Variants in LRRC72 observed in about 807,000 individuals in gnomAD.
The protein encoded by LRRC72 is leucine rich repeat containing 72, also known as leucine-rich repeat-containing protein 72.
LRRC72 carries 41 observed loss-of-function variants against 35.8 expected under a neutral mutation model. That is an observed-to-expected ratio of 1.15 (90% CI 0.89 to 1.49). LRRC72 has a LOEUF of 1.49. LRRC72 is among the 40% of genes most tolerant of loss of function. The pLI is 0.00. For synonymous variants in LRRC72, 118 were observed against 119.2 expected, an observed-to-expected ratio of 0.99 and a Z score of 0.07; for missense variants, 389 against 330.7, an observed-to-expected ratio of 1.18 and a Z score of -1.37.
chr7:16,567,095 G>A (rs1782858400), intron 6 of LRRC72, among the ~76,000 whole-genome samples: 1 of 152,120 alleles, frequency 6.6e-6, no homozygotes, highest in East Asian at 1.9e-4. Flanking sequence ...TAGCCTTGAG[G>A]AAATGAAAGG....
At chr7:16,563,879 A>G (rs1177021525) in intron 5 of LRRC72, among the ~76,000 whole-genome samples, 2 of 152,198 alleles carry the variant, frequency 1.3e-5, no homozygotes, top group African/African-American at 4.8e-5. Flanking sequence ...TTAGGATGAG[A>G]TGAATGGTCA....
chr7:16,572,438 C>A (rs1453642675), intron 7 of LRRC72, among the ~76,000 whole-genome samples: 1 of 152,174 alleles, frequency 6.6e-6, no homozygotes, highest in Non-Finnish European at 1.5e-5. Flanking sequence ...AGCAGCACAT[C>A]AAAAAGCTTA....
chr7:16,572,936 A>G (rs1423567323), intron 7 of LRRC72, among the ~76,000 whole-genome samples: 2 of 152,316 alleles, frequency 1.3e-5, no homozygotes, highest in South Asian at 2.1e-4. Context: ...CCTTAAGCTG[A>G]TAAACAACTT....
chr7:16,543,592 G>A (rs893955340), intron 3 of LRRC72, among the ~76,000 whole-genome samples: 8 of 152,134 alleles, frequency 5.3e-5, no homozygotes, highest in African/African-American at 1.9e-4. Flanking sequence ...AGGTCCATGG[G>A]TGGATCCTGA....
At chr7:16,546,944 A>C (rs941432017) in intron 3 of LRRC72, among the ~76,000 whole-genome samples, 2 of 152,100 alleles carry the variant, frequency 1.3e-5, no homozygotes, top group Non-Finnish European at 2.9e-5. Context: ...CCATTATACC[A>C]GCTGCAGCAG....
At chr7:16,554,294 C>A (rs1329680601) in intron 3 of LRRC72, among the ~76,000 whole-genome samples, 1 of 152,226 alleles carries the variant, frequency 6.6e-6, no homozygotes, top group African/African-American at 2.4e-5. Context: ...TGCACCATTG[C>A]ACTCCAGCCT....
intron 2 of LRRC72, among the ~76,000 whole-genome samples, chr7:16,534,952 C>T (rs958661912): frequency 2.0e-5 from 3 of 152,308 alleles, no homozygotes; most frequent in South Asian, 2.1e-4. Flanking sequence ...AATCCCAACA[C>T]GTTGAGAGGC....
In LRRC72 at chr7:16,526,984, C is replaced by T; in HGVS notation, c.32C>T (p.Thr11Ile). 6.5e-7 allele frequency: 1 copy of T among 1,540,096 alleles called. No homozygotes were observed. The highest frequency in any genetic ancestry group is 1.2e-5 in the South Asian group (1 of 84,060). MSWDPNPVPR[T>I]LRCWRLRRAS... Reference sequence around the variant, plus strand: ...TGGGACCCGAACCCCGTGCCCCGTACCTTGCGATGCTGGCGCCTACGGAGG... The same window carrying T: ...TGGGACCCGAACCCCGTGCCCCGTATCTTGCGATGCTGGCGCCTACGGAGG... Residue 11 changes from threonine (T) to isoleucine (I), a missense_variant, in exon 1 of 9, where the codon ACC becomes ATC. Transcript: ENST00000401542.
chr7:16,530,154 G>C (rs1782137684), intron 1 of LRRC72: 1 of 152,156 alleles, frequency 6.6e-6, no homozygotes, highest in Non-Finnish European at 1.5e-5. Flanking sequence ...GAGATATATA[G>C]AAAAAGACTA....
chr7:16,578,760 CT>C (rs932388288), intron 7 of LRRC72, among the ~76,000 whole-genome samples: 1 of 152,040 alleles, frequency 6.6e-6, no homozygotes, highest in African/African-American at 2.4e-5. Flanking sequence ...AAAGTATGCG[CT>C]TTTTGTAATT....
chr7:16,561,160 T>C lies in LRRC72; in HGVS notation c.427+2161T>C, dbSNP rs544270907. ...CACTACATGACACTATTCTAGATAATAGGACTCAAATTTGAACAAGAAAGA... is the reference window on the plus strand; with the variant it reads ...CACTACATGACACTATTCTAGATAACAGGACTCAAATTTGAACAAGAAAGA... On this transcript the variant is annotated intron_variant, in intron 5 of 8. Transcript: ENST00000401542. Among the ~76,000 whole-genome samples, 111 of 152,302 alleles carry C rather than the reference T, an allele frequency of 7.3e-4. 1 individual carries two copies. In the South Asian group the frequency reaches 7.7e-3, roughly 11 times the overall value.
intron 5 of LRRC72, among the ~76,000 whole-genome samples, chr7:16,560,912 T>C (rs1782734246): frequency 6.6e-6 from 1 of 152,182 alleles, no homozygotes; most frequent in Non-Finnish European, 1.5e-5. Context: ...GTTAAAAAAA[T>C]GATTTATTAT....
intron 1 of LRRC72, among the ~76,000 whole-genome samples, chr7:16,530,739 G>A (rs969736543): frequency 6.6e-6 from 1 of 152,286 alleles, no homozygotes; most frequent in Admixed American, 6.5e-5. Context: ...CTGAGTCCTG[G>A]AGGTAGAATG....
intron 3 of LRRC72, among the ~76,000 whole-genome samples, chr7:16,538,771 G>T (rs560844825): frequency 6.6e-6 from 1 of 152,158 alleles, no homozygotes; most frequent in African/African-American, 2.4e-5. Context: ...CACAATATCT[G>T]ATGGTTTTTA....
intron 3 of LRRC72, among the ~76,000 whole-genome samples, chr7:16,540,730 A>G (rs1250687144): frequency 1.3e-5 from 2 of 152,100 alleles, no homozygotes; most frequent in Non-Finnish European, 2.9e-5. Context: ...ATGGTTTTAA[A>G]AGTGGCACTT....
chr7:16,535,273 A>C (rs1275475210), intron 2 of LRRC72, among the ~76,000 whole-genome samples: 2 of 152,192 alleles, frequency 1.3e-5, no homozygotes, highest in Non-Finnish European at 2.9e-5. Flanking sequence ...GTACATATCA[A>C]AGAGACACAC....
intron 3 of LRRC72, among the ~76,000 whole-genome samples, chr7:16,555,376 G>A (rs555792657): frequency 3.3e-5 from 5 of 152,128 alleles, no homozygotes; most frequent in Non-Finnish European, 5.9e-5. Context: ...ATTTGAGAGG[G>A]GCATGAATAA....
rs114751412 is a variant in LRRC72, at chr7:16,555,921, C to T, written c.235-1439C>T. On this transcript the variant is annotated intron_variant, in intron 3 of 8. Transcript: ENST00000401542. ...CATGAGAATCTTTTCCCTGCTAGAT[C>T]CTGTGTTAAATAGTAAAGGTATTAT... Among the ~76,000 whole-genome samples, 1,033 of 152,206 alleles carry T rather than the reference C, an allele frequency of 6.8e-3. 12 individuals are homozygous for T. Among genetic ancestry groups the T allele is most frequent in the African/African-American group, 0.024 (976 of 41,512 alleles).
chr7:16,560,205 T>A (rs1268462414), intron 5 of LRRC72, among the ~76,000 whole-genome samples: 2 of 152,236 alleles, frequency 1.3e-5, no homozygotes, highest in African/African-American at 2.4e-5. Flanking sequence ...GATATATTTT[T>A]TAATTCCTTT....
Sources: gnomAD v4.1 joint callset for allele counts (sites outside exome capture counted in the v4.1 genomes callset) on GRCh38, gnomAD v4.1.1 for gene constraint, MANE v1.5 for transcripts, NCBI Gene and HGNC (gene_info 2026-07-23, HGNC 2026-07-21) for gene names.